Variants in PDE3A observed in about 807,000 individuals in gnomAD.
PDE3A encodes the protein phosphodiesterase 3A.
PDE3A carries 43 observed loss-of-function variants against 98.3 expected under a neutral mutation model. The ratio of observed to expected loss-of-function variants is 0.44; its 90% CI spans 0.34 to 0.56. The LOEUF (loss-of-function observed/expected upper bound fraction) is 0.56, where lower values mean the gene tolerates loss of function less well. PDE3A is among the 20% of genes least tolerant of loss of function. The probability of loss-of-function intolerance (pLI) is 0.01; values close to 1 mark genes in which losing one functional copy is unlikely to be tolerated. For missense variants in PDE3A, 1,427 were observed against 1,440.7 expected, an observed-to-expected ratio of 0.99 and a Z score of 0.15; for synonymous variants, 663 against 567.9, an observed-to-expected ratio of 1.17 and a Z score of -2.38.
intron 15 of PDE3A, among the ~76,000 whole-genome samples, chr12:20,672,785 A>G (rs1191298530): frequency 3.0e-5 from 4 of 134,350 alleles, no homozygotes; most frequent in Non-Finnish European, 6.3e-5. Context: ...GGACATAGGC[A>G]TGGGCAAGGA....
At chr12:20,372,752 T>C (rs1943500350) in intron 1 of PDE3A, among the ~76,000 whole-genome samples, 1 of 152,176 alleles carries the variant, frequency 6.6e-6, no homozygotes, top group African/African-American at 2.4e-5. Flanking sequence ...GAATGTCTAC[T>C]TTCAACTCAA....
chr12:20,370,408 TG>T lies in PDE3A; in HGVS notation c.960+165del, dbSNP rs370734262. On this transcript the variant is annotated intron_variant, in intron 1 of 15. Coordinates refer to ENST00000359062, the MANE Select transcript of PDE3A (RefSeq NM_000921.5). The stretch of plus-strand genomic sequence containing the variant: ...TAGCAGGTTTTTTTTTTGTTTTTTT[TG>T]TTTTTTTTTTTTTGTTTTTTTGCCC... 0.089 allele frequency: 41,398 copies of T among 465,100 alleles called. 1,230 individuals carry two copies. Among genetic ancestry groups the T allele is most frequent in the Middle Eastern group, 0.11 (177 of 1,654 alleles). The allele number at this position is 465,100 out of a possible 1,614,324, so 28.8% of individuals were successfully genotyped here.
intron 3 of PDE3A, among the ~76,000 whole-genome samples, chr12:20,615,394 C>A (rs1029557237): frequency 1.3e-5 from 2 of 152,066 alleles, no homozygotes; most frequent in African/African-American, 4.8e-5. Context: ...ATGACATTAC[C>A]CATATCTCTG....
rs1242672135 is a variant in PDE3A at position 20,686,686 on chromosome 12, A to C, written c.*6415A>C. 6.6e-6 allele frequency among the ~76,000 whole-genome samples: 1 copy of C among 152,194 alleles called. No individual in the cohort carries two copies. The highest frequency in any genetic ancestry group is 1.5e-5 in the Non-Finnish European group (1 of 68,028). On this transcript the variant is annotated 3_prime_UTR_variant, in exon 16 of 16. Transcript: ENST00000359062. Reference sequence around the variant, plus strand: ...AAACAAAGACAAACTCATAGGAGGAAAGCATGGCTTCTCTTCAATTATACT... The same window carrying C: ...AAACAAAGACAAACTCATAGGAGGACAGCATGGCTTCTCTTCAATTATACT...
chr12:20,369,204 TGTGTGTGC>T lies in PDE3A; in HGVS notation c.-79_-72del. On this transcript the variant is annotated 5_prime_UTR_variant, in exon 1 of 16. Transcript: ENST00000359062. ...GAGCGTGCGTGCGTGTGTGTGTGTG[TGTGTGTGC>T]GCGCGCGCGCGTGGGTCGGGGCGGG... The T allele has an allele frequency of 3.4e-6, 3 of 872,798 alleles. No individual in the cohort carries two copies. Among genetic ancestry groups the T allele is most frequent in the Non-Finnish European group, 5.2e-6 (3 of 579,050 alleles). The allele number at this position is 872,798 out of a possible 1,614,324, so 54.1% of individuals were successfully genotyped here.
intron 2 of PDE3A, among the ~76,000 whole-genome samples, chr12:20,596,370 C>T (rs542827842): frequency 6.6e-6 from 1 of 152,162 alleles, no homozygotes; most frequent in Non-Finnish European, 1.5e-5. Context: ...GACATCTGCC[C>T]GCTAAATGTC....
chr12:20,500,842 A>G (rs1390445983), intron 1 of PDE3A, among the ~76,000 whole-genome samples: 2 of 146,950 alleles, frequency 1.4e-5, no homozygotes, highest in African/African-American at 5.1e-5. Context: ...ATCTCAGCTC[A>G]CTGCAGCCTC....
chr12:20,369,824 C>A lies in PDE3A; in HGVS notation c.540C>A (p.Val180=). 2 of 1,611,792 alleles carry A rather than the reference C, an allele frequency of 1.2e-6. No homozygotes were observed. The highest frequency in any genetic ancestry group is 1.7e-6 in the Non-Finnish European group (2 of 1,179,426). Residue 180 remains valine (V), a synonymous_variant, in exon 1 of 16, where the codon GTC becomes GTA. Coordinates refer to ENST00000359062, the MANE Select transcript of PDE3A (RefSeq NM_000921.5). The part of the protein sequence containing the change: ...GEALVQIGLG[V]GEDHLLSLPA... ...CGCTCGTCCAGATTGGGCTGGGCGT[C>A]GGGGAGGATCACTTACTCTCACTCC...
At chr12:20,559,064 C>T (rs898966939) in intron 2 of PDE3A, among the ~76,000 whole-genome samples, 3 of 152,120 alleles carry the variant, frequency 2.0e-5, no homozygotes, top group African/African-American at 7.2e-5. Flanking sequence ...ATAGACGCAA[C>T]ATTACATACA....
intron 6 of PDE3A, among the ~76,000 whole-genome samples, chr12:20,632,948 GC>G (rs1944415007): frequency 1.0e-5 from 1 of 99,214 alleles, no homozygotes; most frequent in African/African-American, 3.7e-5. Context: ...TAATAATGAG[GC>G]TTTTTTTTTT....
At chr12:20,591,528 G>A (rs1943338417) in intron 2 of PDE3A, among the ~76,000 whole-genome samples, 1 of 152,218 alleles carries the variant, frequency 6.6e-6, no homozygotes, top group Non-Finnish European at 1.5e-5. Flanking sequence ...GTGGCTTCAT[G>A]ATAACACACA....
chr12:20,638,043 A>G (rs1944559205), intron 9 of PDE3A, among the ~76,000 whole-genome samples: 1 of 152,152 alleles, frequency 6.6e-6, no homozygotes, highest in Admixed American at 6.5e-5. Flanking sequence ...AGTAAAGACC[A>G]TCAAACTTGT....
intron 1 of PDE3A, among the ~76,000 whole-genome samples, chr12:20,462,795 C>CT (rs907271126): frequency 1.8e-3 from 259 of 146,182 alleles, no homozygotes; most frequent in African/African-American, 5.0e-3. Flanking sequence ...AAAAGCTATA[C>CT]TTTTTTTTTT....
intron 1 of PDE3A, among the ~76,000 whole-genome samples, chr12:20,527,201 C>T (rs1316339251): frequency 1.3e-5 from 2 of 151,934 alleles, no homozygotes; most frequent in African/African-American, 4.8e-5. Flanking sequence ...TGTGCCCGGC[C>T]GTGTTTTTTT....
At chr12:20,619,945 G>T (rs1293183767) in intron 4 of PDE3A, among the ~76,000 whole-genome samples, 1 of 151,990 alleles carries the variant, frequency 6.6e-6, no homozygotes, top group African/African-American at 2.4e-5. Flanking sequence ...GAATTTACTA[G>T]TAATTAATGG....
At chr12:20,419,464 G>GT (rs1565543230) in intron 1 of PDE3A, among the ~76,000 whole-genome samples, 1 of 151,252 alleles carries the variant, frequency 6.6e-6, no homozygotes, top group South Asian at 2.1e-4. Flanking sequence ...CACTGTTTTT[G>GT]TTTTTTGTTT....
At chr12:20,501,298 C>T (rs1946020693) in intron 1 of PDE3A, among the ~76,000 whole-genome samples, 1 of 152,120 alleles carries the variant, frequency 6.6e-6, no homozygotes, top group African/African-American at 2.4e-5. Flanking sequence ...GAAGTATTTT[C>T]TTCATCTTTG....
intron 15 of PDE3A, among the ~76,000 whole-genome samples, chr12:20,674,578 C>T (rs1263245676): frequency 6.6e-6 from 1 of 152,118 alleles, no homozygotes; most frequent in African/African-American, 2.4e-5. Context: ...CGAAGTCACC[C>T]AGTACTGAAC....
chr12:20,653,878 T>G, intron 14 of PDE3A, 69 bp from the exon 15 acceptor site: 1 of 1,522,934 alleles, frequency 6.6e-7, no homozygotes, highest in Non-Finnish European at 9.0e-7. Context: ...CATTAATGCC[T>G]GGGGTTTTAC....
Sources: allele counts gnomAD v4.1 joint callset (sites outside exome capture counted in the v4.1 genomes callset), GRCh38; gene constraint gnomAD v4.1.1; transcripts MANE v1.5; gene names NCBI Gene and HGNC (gene_info 2026-07-23, HGNC 2026-07-21).